AZIN2: variants seen among roughly 807,000 people sequenced by gnomAD.
The protein encoded by AZIN2 is ODC antizyme inhibitor-2.
In AZIN2, 28 loss-of-function variants were observed where a neutral mutation model predicts 47.8. The observed-to-expected ratio is 0.59, with a 90% CI of 0.43 to 0.80. The LOEUF (loss-of-function observed/expected upper bound fraction) is 0.80. Among genes scored for constraint, AZIN2 ranks in the 30% least tolerant of loss-of-function variants. The pLI is 0.00. For missense variants in AZIN2, 535 were observed against 582.5 expected, an observed-to-expected ratio of 0.92 and a Z score of 0.84; for synonymous variants, 221 against 239.4, an observed-to-expected ratio of 0.92 and a Z score of 0.71.
At chr1:33,102,548 G>A (rs1321650756) in intron 10 of AZIN2, among the ~76,000 whole-genome samples, 2 of 152,028 alleles carry the variant, frequency 1.3e-5, no homozygotes, top group East Asian at 3.9e-4. Context: ...ACCTCTCCTG[G>A]CTTCTGTGGC....
the AZIN2 span, among the ~76,000 whole-genome samples, chr1:33,136,484 T>C: frequency 2.0e-5 from 3 of 151,806 alleles, no homozygotes; most frequent in African/African-American, 7.3e-5. Flanking sequence ...TTCTCATGCC[T>C]CAGCCTACCG....
chr1:33,147,494 C>T, the AZIN2 span: 1 of 1,613,246 alleles, frequency 6.2e-7, no homozygotes, highest in Non-Finnish European at 8.5e-7. The surrounding 1 kb of genome is among the most constrained non-coding windows in gnomAD (Gnocchi z 8.1). Flanking sequence ...CGGCTTGCGG[C>T]TTCGTGTGCC....
chr1:33,135,845 G>C, the AZIN2 span, among the ~76,000 whole-genome samples: 1 of 152,186 alleles, frequency 6.6e-6, no homozygotes, highest in African/African-American at 2.4e-5. Context: ...CTATCTCAGT[G>C]CCTAGCAAGC....
At chr1:33,161,714 G>A in the AZIN2 span, among the ~76,000 whole-genome samples, 4 of 152,120 alleles carry the variant, frequency 2.6e-5, no homozygotes, top group African/African-American at 7.2e-5. The surrounding 1 kb of genome is among the most constrained non-coding windows in gnomAD (Gnocchi z 4.3). Context: ...GGGGTCCGTC[G>A]TCCCTGCACC....
the AZIN2 span, among the ~76,000 whole-genome samples, chr1:33,134,429 T>C: frequency 2.0e-5 from 3 of 152,276 alleles, no homozygotes; most frequent in Admixed American, 6.5e-5. Context: ...AGGAATCCAA[T>C]AATACTGCCT....
the AZIN2 span, among the ~76,000 whole-genome samples, chr1:33,147,982 C>T: frequency 6.6e-6 from 1 of 152,168 alleles, no homozygotes; most frequent in Non-Finnish European, 1.5e-5. The surrounding 1 kb of genome is among the most constrained non-coding windows in gnomAD (Gnocchi z 8.1). Flanking sequence ...GCCTGATGCC[C>T]AGGGCGGAGC....
At chr1:33,165,275 T>G in the AZIN2 span, 1 of 496,218 alleles carries the variant, frequency 2.0e-6, no homozygotes, top group East Asian at 3.4e-5. The surrounding 1 kb of genome is among the most constrained non-coding windows in gnomAD (Gnocchi z 4.0). Context: ...CATGATGGGG[T>G]GGGTGCCGCC....
At chr1:33,124,068 A>G (rs765519859), downstream of AZIN2, among the ~76,000 whole-genome samples, 3 of 152,156 alleles carry the variant, frequency 2.0e-5, no homozygotes, top group Non-Finnish European at 2.9e-5. The surrounding 1 kb of genome is among the most constrained non-coding windows in gnomAD (Gnocchi z 4.6). Flanking sequence ...TGTGAGGCTG[A>G]GACAGGAGAA....
At chr1:33,103,419 A>G (rs758546740) in intron 10 of AZIN2, among the ~76,000 whole-genome samples, 4 of 152,036 alleles carry the variant, frequency 2.6e-5, no homozygotes, top group African/African-American at 7.3e-5. Context: ...CTCGCCCAGA[A>G]TGCTCTTCCA....
the AZIN2 span, among the ~76,000 whole-genome samples, chr1:33,133,701 T>TC: frequency 3.9e-5 from 6 of 152,210 alleles, no homozygotes; most frequent in East Asian, 9.7e-4. Context: ...AGTGGACTGC[T>TC]CCCCCAGGGC....
the AZIN2 span, among the ~76,000 whole-genome samples, chr1:33,135,131 CA>C: frequency 1.3e-5 from 2 of 151,898 alleles, no homozygotes; most frequent in African/African-American, 4.8e-5. Context: ...ACTAAAAATA[CA>C]AAAAAAATTT....
At chr1:33,114,768 T>A (rs534750684) in intron 10 of AZIN2, among the ~76,000 whole-genome samples, 7 of 150,846 alleles carry the variant, frequency 4.6e-5, no homozygotes, top group Middle Eastern at 3.4e-3. Flanking sequence ...GCGATTCTTC[T>A]GCCTCAGCCT....
chr1:33,103,030 G>A (rs1283550876), intron 10 of AZIN2, among the ~76,000 whole-genome samples: 2 of 152,104 alleles, frequency 1.3e-5, no homozygotes, highest in Non-Finnish European at 2.9e-5. Context: ...TGGTTTCAGT[G>A]AATTCTTCCT....
In AZIN2 at chr1:33,082,262, C is replaced by G. The variant is rs765072182; in HGVS notation, c.13C>G (p.Leu5Val). Residue 5 changes from leucine (L) to valine (V), a missense_variant, in exon 4 of 12, where the codon CTG (leucine) becomes GTG (valine). Physicochemically the swap from Leu to Val is conservative, Grantham distance 32. Transcript: ENST00000294517. ...CCTCCTGCAAGGCATGGCTGGCTAC[C>G]TGAGTGAATCGGACTTTGTGATGGT... MAGY[L>V]SESDFVMVEE... is the part of the protein sequence containing the mutation. The G allele has an allele frequency of 2.5e-6, 4 of 1,614,024 alleles. No individual in the cohort carries two copies. The highest frequency in any genetic ancestry group is 3.4e-6 in the Non-Finnish European group (4 of 1,179,988).
At chr1:33,141,493 G>T in the AZIN2 span, among the ~76,000 whole-genome samples, 5 of 152,144 alleles carry the variant, frequency 3.3e-5, no homozygotes, top group South Asian at 8.3e-4. Context: ...GACCCTTCCA[G>T]CATTCAGATT....
the AZIN2 span, chr1:33,165,225 G>T: frequency 2.5e-6 from 1 of 402,110 alleles, no homozygotes; most frequent in Non-Finnish European, 4.5e-6. This position sits in a 1 kb window ranked among gnomAD's most constrained non-coding sequence, Gnocchi z 4.0. Context: ...AAATGGCCCC[G>T]TCCTTAACCG....
the AZIN2 span, among the ~76,000 whole-genome samples, chr1:33,129,076 G>A: frequency 1.3e-5 from 2 of 152,158 alleles, no homozygotes; most frequent in African/African-American, 4.8e-5. This position sits in a 1 kb window ranked among gnomAD's most constrained non-coding sequence, Gnocchi z 4.1. Flanking sequence ...CCAGACCAGG[G>A]CACTGGCGTG....
Position 33,113,235 on chromosome 1 carries a change from T to C in AZIN2, c.1030-4667T>C, listed in dbSNP as rs1363787637. ...TGCCTACCTCTGCCTCCCAAAGTGT[T>C]GGGATTCCAGGCGTGAGCCACCGCG... On this transcript the variant is annotated intron_variant, in intron 10 of 11. Transcript: ENST00000294517. The surrounding 1 kb of genome is among the most constrained non-coding windows in gnomAD (Gnocchi z 4.1). Among the ~76,000 whole-genome samples, 1 of 152,250 alleles carries C rather than the reference T, an allele frequency of 6.6e-6. No homozygotes were observed. Among genetic ancestry groups the C allele is most frequent in the African/African-American group, 2.4e-5 (1 of 41,478 alleles).
At chr1:33,117,139 C>G (rs1464118739) in intron 10 of AZIN2, among the ~76,000 whole-genome samples, 1 of 152,206 alleles carries the variant, frequency 6.6e-6, no homozygotes, top group Non-Finnish European at 1.5e-5. Context: ...TTTAAGCTGT[C>G]AGAGCCTCCA....
Sources: allele counts gnomAD v4.1 joint callset (sites outside exome capture counted in the v4.1 genomes callset), GRCh38; gene constraint gnomAD v4.1.1; non-coding constraint Gnocchi (gnomAD v3.1); transcripts MANE v1.5; gene names NCBI Gene and HGNC (gene_info 2026-07-23, HGNC 2026-07-21).